BCAS1: variants seen among roughly 807,000 people sequenced by gnomAD.
The protein encoded by BCAS1 is breast carcinoma-amplified sequence 1.
A neutral mutation model predicts 65.4 loss-of-function variants in BCAS1; 46 were observed. The ratio of observed to expected loss-of-function variants is 0.70; its 90% CI spans 0.55 to 0.90. The LOEUF (loss-of-function observed/expected upper bound fraction) is 0.90. Ranked by LOEUF, BCAS1 falls within the 40% of genes least tolerant of loss-of-function variation. BCAS1 has a pLI of 0.00. For missense variants in BCAS1, 793 were observed against 771.2 expected (o/e 1.03, Z -0.33); for synonymous variants, 298 against 293.5 (o/e 1.02, Z -0.16).
chr20:54,057,713 G>A (rs1285853986), intron 3 of BCAS1, among the ~76,000 whole-genome samples: 2 of 152,202 alleles, frequency 1.3e-5, no homozygotes, highest in Admixed American at 1.3e-4. Flanking sequence ...AATCCAACAT[G>A]ACTGCTTCCA....
intron 9 of BCAS1, among the ~76,000 whole-genome samples, chr20:53,973,702 A>G (rs1472486407): frequency 6.6e-6 from 1 of 152,228 alleles, no homozygotes; most frequent in East Asian, 1.9e-4. Flanking sequence ...TTGCGGGAAT[A>G]GAAACTTTGA....
At chr20:54,064,605 G>A (rs909481505) in intron 1 of BCAS1, among the ~76,000 whole-genome samples, 1 of 152,162 alleles carries the variant, frequency 6.6e-6, no homozygotes, top group Admixed American at 6.5e-5. Context: ...TGCCCCACCG[G>A]AGGTGGGTGG....
intron 12 of BCAS1, among the ~76,000 whole-genome samples, chr20:53,946,629 T>C (rs1448169782): frequency 6.6e-6 from 1 of 150,718 alleles, no homozygotes; most frequent in African/African-American, 2.4e-5. Context: ...TAGTATAATA[T>C]AGGGTAGTGT....
chr20:54,036,205 C>T (rs2091897304), intron 3 of BCAS1, among the ~76,000 whole-genome samples: 3 of 150,904 alleles, frequency 2.0e-5, no homozygotes, highest in African/African-American at 7.3e-5. Context: ...ATATAACAAA[C>T]CTGCCCGTGT....
intron 7 of BCAS1, among the ~76,000 whole-genome samples, chr20:53,986,372 A>ATT (rs2090616715): frequency 1.3e-5 from 2 of 152,196 alleles, no homozygotes; most frequent in African/African-American, 4.8e-5. Flanking sequence ...CTGAGTCATG[A>ATT]GATAAAGGAA....
At chr20:53,990,921 A>T (rs2090741609) in intron 7 of BCAS1, among the ~76,000 whole-genome samples, 2 of 152,036 alleles carry the variant, frequency 1.3e-5, no homozygotes, top group South Asian at 4.1e-4. Context: ...GCCTCTTCCC[A>T]CTCTTCCAGA....
At chr20:54,059,377 T>C (rs1302073034) in intron 1 of BCAS1, among the ~76,000 whole-genome samples, 2 of 152,218 alleles carry the variant, frequency 1.3e-5, no homozygotes, top group East Asian at 1.9e-4. Flanking sequence ...TTTTTCTCTT[T>C]TAGTTAAAGT....
chr20:53,952,891 G>C (rs1018145431), intron 12 of BCAS1, among the ~76,000 whole-genome samples: 3 of 152,188 alleles, frequency 2.0e-5, no homozygotes, highest in African/African-American at 7.2e-5. Flanking sequence ...TTCATGAACT[G>C]TTCTTTGCTC....
chr20:53,994,649 T>C (rs2276496), intron 6 of BCAS1, among the ~76,000 whole-genome samples: 25,637 of 152,088 alleles, frequency 0.17, 2,182 homozygotes, highest in Middle Eastern at 0.21. Context: ...ATGGACTGTT[T>C]TTTACTATAT....
At chr20:54,066,028 T>C (rs1601058874) in intron 1 of BCAS1, among the ~76,000 whole-genome samples, 1 of 152,218 alleles carries the variant, frequency 6.6e-6, no homozygotes, top group African/African-American at 2.4e-5. Flanking sequence ...CTTCTCTGTG[T>C]TAACTCACAG....
chr20:53,945,828 A>C (rs191611640), intron 12 of BCAS1, among the ~76,000 whole-genome samples: 2 of 152,290 alleles, frequency 1.3e-5, no homozygotes, highest in East Asian at 3.9e-4. Flanking sequence ...GCTGAAGTAC[A>C]GTGGTGGGAC....
At chr20:53,955,006 G>A (rs570263978) in intron 11 of BCAS1, among the ~76,000 whole-genome samples, 1 of 152,304 alleles carries the variant, frequency 6.6e-6, no homozygotes, top group South Asian at 2.1e-4. Context: ...CCCTGATTGT[G>A]GCAACTGGCA....
chr20:53,970,344 C>T (rs1020724696), intron 9 of BCAS1, among the ~76,000 whole-genome samples: 1 of 152,160 alleles, frequency 6.6e-6, no homozygotes, highest in East Asian at 1.9e-4. Flanking sequence ...AAGAAGCTGG[C>T]TTTTAGTAGC....
chr20:53,964,011 G>A (rs553153707), intron 10 of BCAS1, among the ~76,000 whole-genome samples: 17 of 152,360 alleles, frequency 1.1e-4, no homozygotes, highest in African/African-American at 3.8e-4. Flanking sequence ...TCCGCCGGGG[G>A]AGACTGCACC....
intron 10 of BCAS1, among the ~76,000 whole-genome samples, chr20:53,964,702 C>T (rs1454484389): frequency 1.3e-5 from 2 of 152,160 alleles, no homozygotes; most frequent in South Asian, 2.1e-4. Flanking sequence ...TCCCAAACAG[C>T]ATCTAACAGA....
At chr20:54,019,911 A>G (rs553800259) in intron 4 of BCAS1, among the ~76,000 whole-genome samples, 152 of 152,212 alleles carry the variant, frequency 1.0e-3, no homozygotes, top group African/African-American at 3.4e-3. Context: ...TTCTGCCACT[A>G]CTGGCTTCCT....
At chr20:53,991,182 T>C (rs907006408) in intron 7 of BCAS1, among the ~76,000 whole-genome samples, 19 of 152,220 alleles carry the variant, frequency 1.2e-4, no homozygotes, top group African/African-American at 4.1e-4. Flanking sequence ...ACTAGATTCT[T>C]TCCTATGAGA....
chr20:53,950,701 T>A (rs1857854332), intron 12 of BCAS1, among the ~76,000 whole-genome samples: 1 of 152,240 alleles, frequency 6.6e-6, no homozygotes, highest in African/African-American at 2.4e-5. Context: ...GTCCCCTTTG[T>A]TTGCTGAATA....
At chr20:53,954,475 C>T (rs1342798982) in intron 11 of BCAS1, among the ~76,000 whole-genome samples, 1 of 152,162 alleles carries the variant, frequency 6.6e-6, no homozygotes, top group Non-Finnish European at 1.5e-5. Flanking sequence ...CCATTCTTTT[C>T]TTCATAATTA....
Sources: allele counts gnomAD v4.1 joint callset (sites outside exome capture counted in the v4.1 genomes callset), GRCh38; gene constraint gnomAD v4.1.1; transcripts MANE v1.5; gene names NCBI Gene and HGNC (gene_info 2026-07-23, HGNC 2026-07-21).